SRP9: variants seen among roughly 807,000 people sequenced by gnomAD.
The protein encoded by SRP9 is signal recognition particle 9 kDa protein.
SRP9 carries 2 observed loss-of-function variants against 11.7 expected under a neutral mutation model. That is an observed-to-expected ratio of 0.17 (90% CI 0.07 to 0.54). The LOEUF (loss-of-function observed/expected upper bound fraction) is 0.54. Ranked by LOEUF, SRP9 falls within the 20% of genes least tolerant of loss-of-function variation. The probability of loss-of-function intolerance (pLI) is 0.94; values close to 1 mark genes in which losing one functional copy is unlikely to be tolerated. For missense variants in SRP9, 54 were observed against 108.1 expected, an observed-to-expected ratio of 0.50 and a Z score of 2.22; for synonymous variants, 27 against 35.6, an observed-to-expected ratio of 0.76 and a Z score of 0.86.
At position 225,783,990 on chromosome 1, in the gene SRP9, T is replaced by C. The variant is rs564667235; in HGVS notation, c.141+622T>C. Among the ~76,000 whole-genome samples, 17 of 152,220 alleles carry C rather than the reference T, an allele frequency of 1.1e-4. No individual in the cohort carries two copies. In the East Asian group the frequency reaches 3.1e-3, roughly 28 times the overall value. Reference sequence around the variant, plus strand: ...CTGTGTTTCTGTTGTTTCATTCTTCTTTGCTGATTGTTTTTTTTTTGATGT... The same window carrying C: ...CTGTGTTTCTGTTGTTTCATTCTTCCTTGCTGATTGTTTTTTTTTTGATGT... On this transcript the variant is annotated intron_variant, in intron 2 of 2. Coordinates refer to ENST00000304786, the MANE Select transcript of SRP9 (RefSeq NM_003133.6).
rs148080629 is a variant in SRP9 at position 225,777,997 on chromosome 1, C to T, written c.57C>T (p.Leu19=). The T allele has an allele frequency of 3.7e-6, 6 of 1,614,106 alleles. No homozygotes were observed. The African/African-American group carries it at 6.7e-5, about 18-fold the overall frequency. ...EFSRAAEKLY[L]ADPMKARVVL... is the part of the protein sequence containing the mutation. ...GCCGCGCTGCCGAGAAGCTTTACCT[C>T]GCTGACCCTATGAAGGTAAATCGCT... Residue 19 remains leucine, a synonymous_variant, in exon 1 of 3, where the codon CTC becomes CTT. Transcript: ENST00000304786.
chr1:225,777,832 A>G lies in SRP9; in HGVS notation c.-109A>G. ...GGCGTTGGTGCGAGGAGGCGCCGCC[A>G]TCTTGGGGCTGCTGGGACTCGCGTC... On this transcript the variant is annotated 5_prime_UTR_variant, in exon 1 of 3. Coordinates refer to ENST00000304786, the MANE Select transcript of SRP9 (RefSeq NM_003133.6). 9.2e-7 allele frequency: 1 copy of G among 1,089,558 alleles called. No individual in the cohort carries two copies. Among genetic ancestry groups the G allele is most frequent in the Non-Finnish European group, 1.4e-6 (1 of 732,348 alleles). The allele number at this position is 1,089,558 out of a possible 1,614,324, so 67.5% of individuals were successfully genotyped here.
intron 1 of SRP9, among the ~76,000 whole-genome samples, chr1:225,782,039 C>A (rs1010596618): frequency 2.0e-5 from 3 of 152,048 alleles, no homozygotes; most frequent in African/African-American, 7.2e-5. Context: ...GGTTGCAGTT[C>A]CATTAGCCCT....
At chr1:225,778,566 T>C (rs1665730880) in intron 1 of SRP9, among the ~76,000 whole-genome samples, 2 of 152,000 alleles carry the variant, frequency 1.3e-5, no homozygotes, top group Non-Finnish European at 2.9e-5. Flanking sequence ...TATAAGTAAA[T>C]GTATAAGTAA....
At chr1:225,785,353 A>G (rs1665886615) in intron 2 of SRP9, among the ~76,000 whole-genome samples, 1 of 149,542 alleles carries the variant, frequency 6.7e-6, no homozygotes, top group Non-Finnish European at 1.5e-5. Context: ...CTGAGATTAC[A>G]GGGGTGAGCC....
chr1:225,781,772 A>G (rs946066495), intron 1 of SRP9, among the ~76,000 whole-genome samples: 2 of 152,160 alleles, frequency 1.3e-5, no homozygotes, highest in Non-Finnish European at 2.9e-5. Flanking sequence ...AAAACTTCAC[A>G]TAGTTGTCAT....
chr1:225,785,456 C>A (rs1385558289), intron 2 of SRP9, among the ~76,000 whole-genome samples: 1 of 151,786 alleles, frequency 6.6e-6, no homozygotes, highest in Non-Finnish European at 1.5e-5. Flanking sequence ...AATCTCGGCT[C>A]ACTGCAAACT....
intron 1 of SRP9, among the ~76,000 whole-genome samples, chr1:225,780,350 G>T (rs1415711170): frequency 6.6e-6 from 1 of 151,946 alleles, no homozygotes; most frequent in Non-Finnish European, 1.5e-5. Flanking sequence ...GGGAGAGGAT[G>T]AGTGTAGAGG....
chr1:225,784,835 C>G (rs1665871023), intron 2 of SRP9, among the ~76,000 whole-genome samples: 1 of 151,964 alleles, frequency 6.6e-6, no homozygotes, highest in Non-Finnish European at 1.5e-5. Context: ...CAGCAAGACT[C>G]CATCTCAAAA....
At chr1:225,782,712 TTGG>T (rs995344841) in intron 1 of SRP9, among the ~76,000 whole-genome samples, 2 of 152,208 alleles carry the variant, frequency 1.3e-5, no homozygotes, top group African/African-American at 4.8e-5. Flanking sequence ...GGAAAAGTTG[TTGG>T]TGGAGACTTC....
chr1:225,788,362 G>C (rs1369279164), intron 2 of SRP9, among the ~76,000 whole-genome samples: 1 of 151,944 alleles, frequency 6.6e-6, no homozygotes, highest in Admixed American at 6.6e-5. Context: ...CCCCCAACCT[G>C]GGCCACAGAG....
intron 1 of SRP9, among the ~76,000 whole-genome samples, chr1:225,782,757 G>A (rs749839907): frequency 2.0e-5 from 3 of 152,200 alleles, no homozygotes; most frequent in African/African-American, 2.4e-5. Flanking sequence ...GTAATAATGC[G>A]TTATGTTCTA....
intron 1 of SRP9, among the ~76,000 whole-genome samples, chr1:225,781,395 C>T (rs200442582): frequency 1.2e-3 from 101 of 87,822 alleles, no homozygotes; most frequent in African/African-American, 2.6e-3. Flanking sequence ...TTTTCTTTTT[C>T]TTTTTTTTTT....
intron 2 of SRP9, among the ~76,000 whole-genome samples, chr1:225,783,785 G>A (rs931228130): frequency 6.6e-6 from 1 of 152,034 alleles, no homozygotes; most frequent in African/African-American, 2.4e-5. Context: ...TCTGCATATG[G>A]TACTCCAGCG....
In SRP9 at chr1:225,784,229, C is replaced by CTTTTT. The variant is rs561503475; in HGVS notation, c.141+892_141+896dup. ...TCTACAGTGGAGTTTATCACCTGTT[C>CTTTTT]TTTTTTTTTTTTTTTTTTTTTTTTT... On this transcript the variant is annotated intron_variant, in intron 2 of 2. Transcript: ENST00000304786. 8.6e-3 allele frequency among the ~76,000 whole-genome samples: 298 copies of CTTTTT among 34,484 alleles called. 36 individuals are homozygous for CTTTTT. Among genetic ancestry groups the CTTTTT allele is most frequent in the Non-Finnish European group, 0.011 (214 of 19,860 alleles). The allele number at this position is 34,484 out of a possible 152,430, so 22.6% of individuals were successfully genotyped here. A position where few individuals can be genotyped will look rare whatever the true frequency, so the allele number is the denominator to read the frequency against.
chr1:225,787,843 C>T (rs1204473735), intron 2 of SRP9, among the ~76,000 whole-genome samples: 1 of 152,012 alleles, frequency 6.6e-6, no homozygotes, highest in Non-Finnish European at 1.5e-5. Context: ...AAGATTGCCG[C>T]ACAAATTTGT....
At chr1:225,783,850 T>C (rs1306236517) in intron 2 of SRP9, among the ~76,000 whole-genome samples, 1 of 152,210 alleles carries the variant, frequency 6.6e-6, no homozygotes, top group Non-Finnish European at 1.5e-5. Flanking sequence ...AACCCAGTGG[T>C]CTTATTATTC....
Position 225,778,183 on chromosome 1 carries a change from G to T in SRP9, c.72+171G>T, listed in dbSNP as rs3820230. Among the ~76,000 whole-genome samples the T allele has an allele frequency of 1.9e-3, 294 of 152,284 alleles. 1 individual carries two copies. In the East Asian group the frequency reaches 0.037, roughly 19 times the overall value. On this transcript the variant is annotated intron_variant, in intron 1 of 2. Coordinates refer to ENST00000304786, the MANE Select transcript of SRP9 (RefSeq NM_003133.6). ...TCGTCCCCTTCTTCCCTGATCTAGC[G>T]GCCCAGTGAGGCCCTGAAGCTGGCA...
intron 1 of SRP9, among the ~76,000 whole-genome samples, chr1:225,779,105 C>A (rs1029837657): frequency 6.7e-6 from 1 of 150,266 alleles, no homozygotes. Context: ...CAGATAAAAT[C>A]TCGGAAAACC....
Sources: gnomAD v4.1 joint callset for allele counts (sites outside exome capture counted in the v4.1 genomes callset) on GRCh38, gnomAD v4.1.1 for gene constraint, MANE v1.5 for transcripts, NCBI Gene and HGNC (gene_info 2026-07-23, HGNC 2026-07-21) for gene names.